ATP11B: variants seen among roughly 807,000 people sequenced by gnomAD.
ATP11B encodes ATPase phospholipid transporting 11B (putative), also known as phospholipid-transporting ATPase IF.
ATP11B carries 81 observed loss-of-function variants against 157.8 expected under a neutral mutation model. The ratio of observed to expected loss-of-function variants is 0.51; its 90% confidence interval spans 0.43 to 0.62. The LOEUF is 0.62. Ranked by LOEUF, ATP11B falls within the 20% of genes least tolerant of loss-of-function variation. The probability of loss-of-function intolerance (pLI) is 0.00; values close to 1 mark genes in which losing one functional copy is unlikely to be tolerated. For missense variants in ATP11B, 1,165 were observed against 1,402.2 expected, an observed-to-expected ratio of 0.83 and a Z score of 2.70; for synonymous variants, 451 against 469.4, an observed-to-expected ratio of 0.96 and a Z score of 0.51.
chr3:182,887,332 C>G (rs1416257324), intron 23 of ATP11B, among the ~76,000 whole-genome samples: 2 of 152,126 alleles, frequency 1.3e-5, no homozygotes, highest in Non-Finnish European at 2.9e-5. Flanking sequence ...AAATGTTGAT[C>G]TAACTCACGA....
At chr3:182,862,416 C>T (rs1720912072) in intron 12 of ATP11B, among the ~76,000 whole-genome samples, 1 of 152,146 alleles carries the variant, frequency 6.6e-6, no homozygotes, top group Non-Finnish European at 1.5e-5. Flanking sequence ...CTAGAGCTGG[C>T]CATTGGATAC....
intron 7 of ATP11B, among the ~76,000 whole-genome samples, chr3:182,839,696 G>A (rs115759812): frequency 0.013 from 1,997 of 151,970 alleles, 43 homozygotes; most frequent in African/African-American, 0.047. Context: ...TGCAACCCCC[G>A]GACTCCCGGG....
chr3:182,881,154 G>A (rs1229814010), intron 21 of ATP11B, among the ~76,000 whole-genome samples, 173 bp downstream of exon 21: 1 of 152,180 alleles, frequency 6.6e-6, no homozygotes, highest in Non-Finnish European at 1.5e-5. Context: ...ACTATAATTA[G>A]GCCGGGCGTG....
chr3:182,898,863 A>G (rs2108580247), intron 28 of ATP11B, 91 bp downstream of exon 28: 1 of 894,940 alleles, frequency 1.1e-6, no homozygotes, highest in East Asian at 3.1e-5. Flanking sequence ...ATGTCAGAAA[A>G]TAGGAAATTA....
intron 4 of ATP11B, among the ~76,000 whole-genome samples, chr3:182,833,294 G>T (rs1718291006): frequency 6.6e-6 from 1 of 152,050 alleles, no homozygotes. Context: ...AAATGAAACT[G>T]AAAAATTTGT....
intron 25 of ATP11B, 97 bp downstream of exon 25, chr3:182,889,645 T>C (rs1723044006): frequency 4.6e-6 from 5 of 1,092,756 alleles, no homozygotes; most frequent in Middle Eastern, 6.2e-4. Context: ...ATTACAGAAC[T>C]TCAAGTATTA....
At chr3:182,814,567 G>A (rs896477059) in intron 1 of ATP11B, among the ~76,000 whole-genome samples, 1 of 152,230 alleles carries the variant, frequency 6.6e-6, no homozygotes, top group East Asian at 1.9e-4. Flanking sequence ...CAGCACTTTG[G>A]GAGATTGAGG....
intron 2 of ATP11B, among the ~76,000 whole-genome samples, chr3:182,823,658 A>G (rs1305458615): frequency 3.3e-5 from 5 of 152,144 alleles, no homozygotes; most frequent in African/African-American, 1.2e-4. Context: ...GAAGAAAGTC[A>G]TTGGTAGCTT....
intron 28 of ATP11B, among the ~76,000 whole-genome samples, chr3:182,910,032 C>T (rs910617285): frequency 2.1e-5 from 3 of 144,406 alleles, no homozygotes; most frequent in Non-Finnish European, 3.0e-5. Context: ...CCACTGCACT[C>T]CAGCCTCCAG....
intron 28 of ATP11B, chr3:182,908,453 C>G (rs1363661824): frequency 6.6e-6 from 1 of 152,016 alleles, no homozygotes; most frequent in Non-Finnish European, 1.5e-5. Flanking sequence ...TCCTTGCCTC[C>G]CAAAGGTCTG....
chr3:182,902,116 CGTT>C (rs1301331961), intron 28 of ATP11B, among the ~76,000 whole-genome samples: 1 of 151,828 alleles, frequency 6.6e-6, no homozygotes, highest in Non-Finnish European at 1.5e-5. Context: ...AGGCAGTAGT[CGTT>C]ATTTTAGCTT....
At chr3:182,901,103 G>GTGGAGGTT (rs1723927021) in intron 28 of ATP11B, among the ~76,000 whole-genome samples, 1 of 152,052 alleles carries the variant, frequency 6.6e-6, no homozygotes, top group Admixed American at 6.6e-5. Context: ...AACCTGGGAG[G>GTGGAGGTT]TGGAGGTTGC....
chr3:182,889,538 G>A lies in ATP11B; in HGVS notation c.2972G>A (p.Gly991Glu), dbSNP rs1412888952. 6.4e-7 allele frequency: 1 copy of A among 1,551,202 alleles called. No homozygotes were observed. ...ATAGGGAAAGATACATCTCTGCTTG[G>A]AAATGGCCAGGTAAAGTATATAGTT... ...LLIGKDTSLLGNGQMFGNWTF... is the reference protein window; with the variant it reads ...LLIGKDTSLLENGQMFGNWTF... Residue 991 changes from glycine (G) to glutamate (E), a missense_variant, in exon 25 of 30, where the codon GGA becomes GAA. Gly to Glu is a moderately conservative substitution (Grantham distance 98). Transcript: ENST00000323116.
At chr3:182,904,989 C>T (rs1259186911) in intron 28 of ATP11B, among the ~76,000 whole-genome samples, 2 of 151,654 alleles carry the variant, frequency 1.3e-5, no homozygotes, top group Non-Finnish European at 2.9e-5. Flanking sequence ...TTCCCCTCTT[C>T]CCCTGTGTTA....
intron 1 of ATP11B, among the ~76,000 whole-genome samples, chr3:182,801,705 A>G (rs978264545): frequency 6.6e-6 from 1 of 152,162 alleles, no homozygotes; most frequent in East Asian, 1.9e-4. Context: ...TATCTCCAAA[A>G]TCGCTTCTTC....
At chr3:182,857,621 A>G (rs1720508836) in intron 10 of ATP11B, among the ~76,000 whole-genome samples, 1 of 152,072 alleles carries the variant, frequency 6.6e-6, no homozygotes, top group Admixed American at 6.5e-5. Context: ...TAAAACCGTC[A>G]TTTACTGTAA....
At chr3:182,825,367 A>G (rs745635891) in intron 2 of ATP11B, among the ~76,000 whole-genome samples, 5 of 152,092 alleles carry the variant, frequency 3.3e-5, no homozygotes, top group Non-Finnish European at 7.4e-5. Flanking sequence ...AGTGTCTTGC[A>G]TGTTGTGGTT....
At chr3:182,880,771 A>C (rs1722369014) in intron 20 of ATP11B, 108 bp from the exon 21 acceptor site, 6 of 529,770 alleles carry the variant, frequency 1.1e-5, no homozygotes, top group Non-Finnish European at 6.2e-6. Context: ...AAAAAATTAA[A>C]TATTTCTTTC....
chr3:182,793,732 GCGGGACCCGGA>G lies in ATP11B; in HGVS notation c.-24_-14del. 1 of 1,404,044 alleles carries G rather than the reference GCGGGACCCGGA, an allele frequency of 7.1e-7. No homozygotes were observed. Among genetic ancestry groups the G allele is most frequent in the Non-Finnish European group, 9.3e-7 (1 of 1,073,142 alleles). 87.0% of individuals were successfully genotyped at this position (1,404,044 alleles called of 1,614,324 possible). ...TGCAGCCCCGCGGCCCCCGCGCCCCGCGGGACCCGGACGGCGACGACGGGGGAATGTGGCGC... is the reference window on the plus strand; with the variant it reads ...TGCAGCCCCGCGGCCCCCGCGCCCCGCGGCGACGACGGGGGAATGTGGCGC... On this transcript the variant is annotated 5_prime_UTR_variant, in exon 1 of 30. Transcript: ENST00000323116.
Sources: allele counts gnomAD v4.1 joint callset (sites outside exome capture counted in the v4.1 genomes callset), GRCh38; gene constraint gnomAD v4.1.1; transcripts MANE v1.5; gene names NCBI Gene and HGNC (gene_info 2026-07-23, HGNC 2026-07-21).